The following ROBO2 variants were observed in gnomAD, a reference collection of about 807,000 sequenced individuals.
ROBO2 encodes roundabout guidance receptor 2, also known as roundabout homolog 2.
ROBO2 carries 53 observed loss-of-function variants against 160.8 expected under a neutral mutation model. That is an observed-to-expected ratio of 0.33 (90% CI 0.26 to 0.41). The LOEUF (loss-of-function observed/expected upper bound fraction) is 0.41. Ranked by LOEUF, ROBO2 falls within the 10% of genes least tolerant of loss-of-function variation. The pLI is 1.00. For synonymous variants in ROBO2, 664 were observed against 611.7 expected, an observed-to-expected ratio of 1.09 and a Z score of -1.26; for missense variants, 1,577 against 1,722.4, an observed-to-expected ratio of 0.92 and a Z score of 1.49.
rs1480700746 is a variant in ROBO2, at chr3:76,612,716, AAATAAT to A, written c.110-485287_110-485282del. Among the ~76,000 whole-genome samples the A allele has an allele frequency of 1.2e-4, 19 of 152,246 alleles. No homozygotes were observed. The East Asian group carries it at 3.5e-3, about 28-fold the overall frequency. On this transcript the variant is annotated intron_variant, in intron 2 of 26. Transcript: ENST00000487694. ...ATCCCAGAAGTTAAAGTAAAATTAA[AAATAAT>A]AATAATAATATTGGCTTTACATATC...
In ROBO2 at chr3:76,525,631, C is replaced by T. The variant is rs148052766; in HGVS notation, c.110-572383C>T. ...CCAAATTGTGCTGTTACATTAGGAA[C>T]GCACTCAAAAAAGAGGTGCTTAATT... is the stretch of plus-strand genomic sequence containing the variant. On this transcript the variant is annotated intron_variant, in intron 2 of 26. Transcript: ENST00000487694. Among the ~76,000 whole-genome samples the T allele has an allele frequency of 1.6e-4, 24 of 151,966 alleles. No individual in the cohort carries two copies. In the East Asian group the frequency reaches 3.3e-3, roughly 21 times the overall value.
intron 2 of ROBO2, among the ~76,000 whole-genome samples, chr3:76,657,635 CATATATATGTGTATATATATTCAT>C (rs2091604261): frequency 2.9e-5 from 4 of 137,236 alleles, no homozygotes; most frequent in African/African-American, 1.1e-4. Flanking sequence ...TATATATATT[CATATATATGTGTATATATATTCAT>C]ATATATGTGT....
intron 2 of ROBO2, among the ~76,000 whole-genome samples, chr3:76,803,458 A>AGGATGGAG (rs1221585283): frequency 4.6e-4 from 63 of 136,896 alleles, no homozygotes; most frequent in South Asian, 1.4e-3. Context: ...GAAGGAAGGA[A>AGGATGGAG]GGAAGAAAGG....
At chr3:76,005,258 A>G (rs1406280856) in intron 2 of ROBO2, among the ~76,000 whole-genome samples, 1 of 152,210 alleles carries the variant, frequency 6.6e-6, no homozygotes, top group Non-Finnish European at 1.5e-5. Context: ...CACCACAATA[A>G]AAGGATCTTT....
intron 2 of ROBO2, among the ~76,000 whole-genome samples, chr3:76,488,389 G>T (rs749688963): frequency 1.4e-4 from 22 of 152,088 alleles, no homozygotes; most frequent in Non-Finnish European, 2.8e-4. Context: ...TGTTGAGCTG[G>T]ACTGTTCTCT....
At chr3:77,360,011 G>C (rs1298628429) in intron 2 of ROBO2, among the ~76,000 whole-genome samples, 1 of 152,124 alleles carries the variant, frequency 6.6e-6, no homozygotes, top group Non-Finnish European at 1.5e-5. Context: ...CAAAGAAATA[G>C]TAAGCTGCAT....
At chr3:76,774,540 G>A (rs2062113646) in intron 2 of ROBO2, among the ~76,000 whole-genome samples, 1 of 150,774 alleles carries the variant, frequency 6.6e-6, no homozygotes, top group African/African-American at 2.4e-5. Context: ...AGCATGATTT[G>A]TATTAATTCC....
chr3:76,913,317 C>T (rs1432357547), intron 2 of ROBO2, among the ~76,000 whole-genome samples: 1 of 152,104 alleles, frequency 6.6e-6, no homozygotes, highest in African/African-American at 2.4e-5. Context: ...GAGGGAGTCA[C>T]GCTCTCCCTA....
exon 26 of ROBO2, chr3:77,647,803 A>T (rs566414604): frequency 1.3e-5 from 2 of 152,268 alleles, no homozygotes; most frequent in Admixed American, 1.3e-4. Flanking sequence ...GATCAGTTCT[A>T]AAATACGGGA....
At chr3:76,773,250 A>T (rs1415295787) in intron 2 of ROBO2, among the ~76,000 whole-genome samples, 2 of 150,946 alleles carry the variant, frequency 1.3e-5, no homozygotes, top group East Asian at 3.9e-4. Context: ...TAGAAAGTTT[A>T]AAGTCTGATT....
chr3:77,427,316 C>T (rs2078307358), intron 2 of ROBO2, among the ~76,000 whole-genome samples: 1 of 152,174 alleles, frequency 6.6e-6, no homozygotes, highest in Non-Finnish European at 1.5e-5. Flanking sequence ...TTATGATGTG[C>T]TAGTCAGTGT....
At chr3:76,748,154 G>A (rs976461180) in intron 2 of ROBO2, among the ~76,000 whole-genome samples, 8 of 151,936 alleles carry the variant, frequency 5.3e-5, no homozygotes, top group South Asian at 2.1e-4. Flanking sequence ...CAGATAAATC[G>A]AATGTGGCAG....
Position 76,940,802 on chromosome 3 carries a change from C to T in ROBO2, c.110-157212C>T, listed in dbSNP as rs2078138465. 2.0e-5 allele frequency among the ~76,000 whole-genome samples: 3 copies of T among 152,266 alleles called. No homozygotes were observed. In the South Asian group the frequency reaches 6.2e-4, roughly 32 times the overall value. ...TCCCATTGTATCACATAAGTATGTA[C>T]AATTATTGTGTGCCAATCCTAAATT... On this transcript the variant is annotated intron_variant, in intron 2 of 26. Transcript: ENST00000487694.
At chr3:76,954,567 C>T (rs570221321) in intron 2 of ROBO2, among the ~76,000 whole-genome samples, 5 of 152,212 alleles carry the variant, frequency 3.3e-5, no homozygotes, top group South Asian at 2.1e-4. Flanking sequence ...TGAAGAGAAA[C>T]TTTAAAATGA....
intron 2 of ROBO2, among the ~76,000 whole-genome samples, chr3:76,011,987 A>G (rs2066207862): frequency 6.6e-6 from 1 of 152,208 alleles, no homozygotes; most frequent in South Asian, 2.1e-4. Flanking sequence ...TTTTAGACAG[A>G]TTCAAAGCCC....
chr3:77,467,876 T>G (rs2082949546), intron 2 of ROBO2, among the ~76,000 whole-genome samples: 1 of 152,164 alleles, frequency 6.6e-6, no homozygotes. Flanking sequence ...ACTGGGCAGG[T>G]GCTGAAAGAC....
chr3:77,186,646 T>C (rs2081311255), intron 2 of ROBO2, among the ~76,000 whole-genome samples: 2 of 152,152 alleles, frequency 1.3e-5, no homozygotes, highest in South Asian at 4.1e-4. Flanking sequence ...GTCATCTCTT[T>C]AAGTGTGTTA....
chr3:76,887,592 C>A lies in ROBO2; in HGVS notation c.110-210422C>A, dbSNP rs533029634. 4.7e-4 allele frequency among the ~76,000 whole-genome samples: 71 copies of A among 152,066 alleles called. 1 individual carries two copies. The highest frequency in any genetic ancestry group is 2.9e-3 in the Admixed American group (45 of 15,266). On this transcript the variant is annotated intron_variant, in intron 2 of 26. Coordinates refer to the ROBO2 transcript ENST00000487694. ...CCCGTCCTCTTATTAAATAGAGATT[C>A]CTAGTATTGCTGTTATAAAAAATGT...
At chr3:77,452,492 C>A (rs946855478) in intron 2 of ROBO2, among the ~76,000 whole-genome samples, 3 of 152,138 alleles carry the variant, frequency 2.0e-5, no homozygotes, top group African/African-American at 7.2e-5. Flanking sequence ...TCATTCCAAT[C>A]CCCCAGGTAC....
Sources: allele counts gnomAD v4.1 joint callset (sites outside exome capture counted in the v4.1 genomes callset), GRCh38; gene constraint gnomAD v4.1.1; transcripts MANE v1.5; gene names NCBI Gene and HGNC (gene_info 2026-07-23, HGNC 2026-07-21).